Variants in CNOT2 observed in about 807,000 individuals in gnomAD.
CNOT2 encodes the protein CCR4-NOT transcription complex subunit 2.
CNOT2 carries 7 observed loss-of-function variants against 72.1 expected under a neutral mutation model. The ratio of observed to expected loss-of-function variants is 0.10; its 90% confidence interval spans 0.06 to 0.18. The LOEUF (loss-of-function observed/expected upper bound fraction) is 0.18, where lower values mean the gene tolerates loss of function less well. CNOT2 is among the 10% of genes least tolerant of loss of function. The probability of loss-of-function intolerance (pLI) is 1.00; values close to 1 mark genes in which losing one functional copy is unlikely to be tolerated. For synonymous variants in CNOT2, 196 were observed against 225.6 expected (o/e 0.87, Z 1.17); for missense variants, 345 against 660.3 (o/e 0.52, Z 5.23).
chr12:70,292,951 A>G (rs747794952), intron 2 of CNOT2, among the ~76,000 whole-genome samples: 1 of 152,148 alleles, frequency 6.6e-6, no homozygotes, highest in Non-Finnish European at 1.5e-5. Context: ...TAGGATTCTG[A>G]TACCTCTGTA....
chr12:70,308,633 T>C (rs1358879215), intron 2 of CNOT2, among the ~76,000 whole-genome samples: 1 of 151,230 alleles, frequency 6.6e-6, no homozygotes, highest in Non-Finnish European at 1.5e-5. Context: ...AATCTGGTAT[T>C]GATGGAAAAG....
intron 4 of CNOT2, among the ~76,000 whole-genome samples, chr12:70,320,299 G>C (rs1304810969): frequency 6.6e-6 from 1 of 151,638 alleles, no homozygotes; most frequent in Non-Finnish European, 1.5e-5. Context: ...GAAAAGCAAA[G>C]TTTTGACAGG....
chr12:70,255,720 A>G (rs1434094974), intron 1 of CNOT2, among the ~76,000 whole-genome samples: 1 of 152,202 alleles, frequency 6.6e-6, no homozygotes, highest in Non-Finnish European at 1.5e-5. Flanking sequence ...TTCTAAAAAC[A>G]TATACTGAAA....
intron 1 of CNOT2, among the ~76,000 whole-genome samples, chr12:70,245,898 A>C (rs535864625): frequency 1.3e-5 from 2 of 152,178 alleles, no homozygotes; most frequent in African/African-American, 4.8e-5. Flanking sequence ...AAAGTAAATA[A>C]AATTTTCAGG....
intron 1 of CNOT2, among the ~76,000 whole-genome samples, chr12:70,250,894 T>C (rs1239859525): frequency 2.6e-5 from 4 of 152,112 alleles, no homozygotes; most frequent in African/African-American, 9.7e-5. Context: ...TCAGAAAATA[T>C]TGTGGTGGAC....
intron 4 of CNOT2, among the ~76,000 whole-genome samples, chr12:70,325,351 A>G (rs1017106024): frequency 2.0e-5 from 3 of 151,882 alleles, no homozygotes; most frequent in Non-Finnish European, 4.4e-5. Flanking sequence ...TTCCACTGCC[A>G]TGATTGCCCA....
chr12:70,320,570 A>G (rs1180879704), intron 4 of CNOT2, among the ~76,000 whole-genome samples: 1 of 151,722 alleles, frequency 6.6e-6, no homozygotes, highest in Admixed American at 6.6e-5. Context: ...ATCTACAAAT[A>G]TTTATCCTAG....
chr12:70,342,881 G>T (rs556952232), intron 13 of CNOT2, among the ~76,000 whole-genome samples: 1 of 151,964 alleles, frequency 6.6e-6, no homozygotes, highest in African/African-American at 2.4e-5. Context: ...TTTAGCCTTG[G>T]GAAACTACAA....
At chr12:70,326,524 T>C (rs1023268984) in intron 4 of CNOT2, among the ~76,000 whole-genome samples, 1 of 151,646 alleles carries the variant, frequency 6.6e-6, no homozygotes, top group African/African-American at 2.4e-5. Flanking sequence ...TTTTCTGTGA[T>C]TGTTTCTAAT....
In CNOT2 at chr12:70,353,858, A is replaced by G; in HGVS notation, c.1566A>G (p.Glu522=). 6.2e-7 allele frequency: 1 copy of G among 1,611,720 alleles called. No homozygotes were observed. The highest frequency in any genetic ancestry group is 1.1e-5 in the South Asian group (1 of 90,534). ...TCCATCTGGAATATGACAAATTAGA[A>G]GAACGGCCTCACCTGCCATCCACCT... ...KEFHLEYDKL[E]ERPHLPSTFN... is the part of the protein sequence containing the mutation. The change falls in exon 16 of 16, where the codon GAA becomes GAG. Residue 522 remains glutamate (E), a synonymous_variant. Transcript: ENST00000229195.
intron 1 of CNOT2, among the ~76,000 whole-genome samples, chr12:70,276,337 T>C (rs1192542210): frequency 6.6e-6 from 1 of 151,984 alleles, no homozygotes. Context: ...TTAATATAAT[T>C]GGAGGTAATT....
chr12:70,268,666 G>A (rs921800576), intron 1 of CNOT2, among the ~76,000 whole-genome samples: 5 of 150,552 alleles, frequency 3.3e-5, no homozygotes, highest in African/African-American at 1.2e-4. Flanking sequence ...TCACTATGTT[G>A]CCTGGTCTGG....
chr12:70,248,114 T>G (rs1228565707), intron 1 of CNOT2, among the ~76,000 whole-genome samples: 2 of 152,224 alleles, frequency 1.3e-5, no homozygotes, highest in African/African-American at 4.8e-5. Context: ...ATGGCTATTA[T>G]GTGAAGGAGA....
intron 2 of CNOT2, among the ~76,000 whole-genome samples, chr12:70,300,762 C>T (rs538545072): frequency 5.3e-5 from 8 of 152,114 alleles, no homozygotes; most frequent in African/African-American, 9.7e-5. Context: ...TGAAGAAAGT[C>T]GTTGGTAGCT....
intron 5 of CNOT2, 110 bp downstream of exon 5, chr12:70,329,680 T>C: frequency 1.3e-6 from 1 of 752,470 alleles, no homozygotes; most frequent in Non-Finnish European, 2.3e-6. Flanking sequence ...TTCAGTGCCT[T>C]TCACTGAGGA....
chr12:70,310,713 C>T (rs1876299939), intron 2 of CNOT2, among the ~76,000 whole-genome samples, 182 bp from the exon 3 acceptor site: 1 of 152,012 alleles, frequency 6.6e-6, no homozygotes, highest in Admixed American at 6.6e-5. Flanking sequence ...TGGAAATAAA[C>T]ATCTAACACT....
At chr12:70,286,578 A>G (rs958521961) in intron 2 of CNOT2, among the ~76,000 whole-genome samples, 2 of 149,778 alleles carry the variant, frequency 1.3e-5, no homozygotes, top group East Asian at 4.0e-4. Flanking sequence ...TGGATTTCTT[A>G]TGTCTCTGTT....
intron 1 of CNOT2, among the ~76,000 whole-genome samples, chr12:70,257,286 T>A (rs899263643): frequency 7.2e-5 from 11 of 151,894 alleles, no homozygotes; most frequent in African/African-American, 2.7e-4. Flanking sequence ...AATGACAACA[T>A]ATGTATAGCA....
chr12:70,261,292 A>ATTTTC (rs1958738838), intron 1 of CNOT2, among the ~76,000 whole-genome samples: 1 of 69,086 alleles, frequency 1.4e-5, no homozygotes, highest in Non-Finnish European at 3.1e-5. Flanking sequence ...CTTTGTGCCT[A>ATTTTC]TTTTCTTTCT....
Sources: allele counts gnomAD v4.1 joint callset (sites outside exome capture counted in the v4.1 genomes callset), GRCh38; gene constraint gnomAD v4.1.1; transcripts MANE v1.5; gene names NCBI Gene and HGNC (gene_info 2026-07-23, HGNC 2026-07-21).